Variants in SH3PXD2A observed in about 807,000 individuals in gnomAD.
The protein encoded by SH3PXD2A is SH3 and PX domain-containing protein 2A.
In SH3PXD2A, 32 loss-of-function variants were observed where a neutral mutation model predicts 115.2. That is an observed-to-expected ratio of 0.28 (90% CI 0.21 to 0.37). The LOEUF is 0.37. SH3PXD2A is among the 10% of genes least tolerant of loss of function. SH3PXD2A has a pLI of 1.00. For synonymous variants in SH3PXD2A, 610 were observed against 629.1 expected, an observed-to-expected ratio of 0.97 and a Z score of 0.45; for missense variants, 1,328 against 1,498.7, an observed-to-expected ratio of 0.89 and a Z score of 1.88.
chr10:103,827,950 G>A (rs540674617), intron 1 of SH3PXD2A, among the ~76,000 whole-genome samples: 1 of 152,344 alleles, frequency 6.6e-6, no homozygotes, highest in Non-Finnish European at 1.5e-5. Context: ...GCAGAGGACT[G>A]CTGTGAGGCT....
chr10:103,736,695 A>G (rs2038384602), intron 3 of SH3PXD2A: 1 of 1,038,864 alleles, frequency 9.6e-7, no homozygotes, highest in African/African-American at 1.6e-5. Flanking sequence ...GTCCATTCCT[A>G]GGCTATCTGC....
intron 5 of SH3PXD2A, among the ~76,000 whole-genome samples, chr10:103,707,199 A>ATT (rs35419059): frequency 2.8e-5 from 4 of 144,876 alleles, no homozygotes; most frequent in Admixed American, 6.9e-5. Flanking sequence ...ATATATTTCA[A>ATT]TTTTTTTTTT....
At chr10:103,792,659 G>A (rs1427217406) in intron 2 of SH3PXD2A, among the ~76,000 whole-genome samples, 1 of 152,180 alleles carries the variant, frequency 6.6e-6, no homozygotes, top group Non-Finnish European at 1.5e-5. Flanking sequence ...GCTGGGGCTG[G>A]TCTTGAAACC....
intron 1 of SH3PXD2A, among the ~76,000 whole-genome samples, chr10:103,839,178 T>C (rs2039573718): frequency 6.6e-6 from 1 of 152,050 alleles, no homozygotes; most frequent in Admixed American, 6.5e-5. Flanking sequence ...AAATCCCAAC[T>C]CTCTTTTTTC....
intron 1 of SH3PXD2A, among the ~76,000 whole-genome samples, chr10:103,817,418 G>A (rs2039336021): frequency 1.3e-5 from 2 of 152,142 alleles, no homozygotes; most frequent in Non-Finnish European, 2.9e-5. Context: ...TCGGCGCACT[G>A]CAACCTCTGC....
At position 103,724,313 on chromosome 10, in the gene SH3PXD2A, G is replaced by A. The variant is rs760527451; in HGVS notation, c.355C>T (p.Arg119Trp). 2.4e-5 allele frequency: 38 copies of A among 1,582,196 alleles called. No homozygotes were observed. Among genetic ancestry groups the A allele is most frequent in the South Asian group, 2.3e-4 (20 of 86,208 alleles). Residue 119 changes from arginine (R) to tryptophan (W), a missense_variant, in exon 5 of 15, where the codon CGG (arginine) becomes TGG (tryptophan). Transcript: ENST00000369774. ...TCCTCGGGTCGAGCCTCGAAGAACC[G>A]GAAGACTTCGTCACACTGTGAGATG... Reference protein sequence around the residue: ...PHISQCDEVFRFFEARPEDVN... With the variant: ...PHISQCDEVFWFFEARPEDVN...
chr10:103,833,279 G>C (rs2039499761), intron 1 of SH3PXD2A, among the ~76,000 whole-genome samples: 1 of 152,184 alleles, frequency 6.6e-6, no homozygotes, highest in Non-Finnish European at 1.5e-5. Flanking sequence ...ATAGGTATGA[G>C]GGATCCACAA....
At chr10:103,725,938 C>T (rs2038235841) in intron 4 of SH3PXD2A, among the ~76,000 whole-genome samples, 1 of 152,188 alleles carries the variant, frequency 6.6e-6, no homozygotes, top group African/African-American at 2.4e-5. Flanking sequence ...GCACGCAGGA[C>T]CCTGACCTGG....
chr10:103,846,402 T>G (rs558200300), intron 1 of SH3PXD2A, among the ~76,000 whole-genome samples: 4 of 152,248 alleles, frequency 2.6e-5, no homozygotes, highest in African/African-American at 7.2e-5. Context: ...CTAGAAGAGA[T>G]CTTCACTAAG....
At chr10:103,850,256 C>T (rs769261153) in intron 1 of SH3PXD2A, among the ~76,000 whole-genome samples, 1 of 152,138 alleles carries the variant, frequency 6.6e-6, no homozygotes, top group African/African-American at 2.4e-5. Flanking sequence ...CCTGCCACCA[C>T]ACATGGTAAT....
At chr10:103,825,762 ATTT>A (rs370142036) in intron 1 of SH3PXD2A, among the ~76,000 whole-genome samples, 3 of 132,444 alleles carry the variant, frequency 2.3e-5, no homozygotes, top group African/African-American at 2.9e-5. Flanking sequence ...TCCGTAACAA[ATTT>A]TTTTTTTTTT....
At chr10:103,786,725 C>T (rs1564888826) in intron 2 of SH3PXD2A, among the ~76,000 whole-genome samples, 1 of 151,810 alleles carries the variant, frequency 6.6e-6, no homozygotes, top group Non-Finnish European at 1.5e-5. Flanking sequence ...TGCCTACATC[C>T]CAGGGTGGGC....
At chr10:103,744,154 C>CT (rs35901070) in intron 3 of SH3PXD2A, among the ~76,000 whole-genome samples, 7,183 of 136,214 alleles carry the variant, frequency 0.053, 248 homozygotes, top group Non-Finnish European at 0.069. Context: ...CCCTGCTTGT[C>CT]TTTTTTTTTT....
In SH3PXD2A at chr10:103,784,060, A is replaced by AGGT. The variant is rs760124166; in HGVS notation, c.154-16894_154-16892dup. 7.2e-5 allele frequency among the ~76,000 whole-genome samples: 11 copies of AGGT among 152,238 alleles called. No homozygotes were observed. The highest frequency in any genetic ancestry group is 1.6e-4 in the Non-Finnish European group (11 of 68,036). ...GTGCCCAGCTGCAGGCTACTTCTCC[A>AGGT]GGTGGCAGCCCAGCTGCTGACCCAG... On this transcript the variant is annotated intron_variant, in intron 2 of 14. Coordinates refer to ENST00000369774, the MANE Select transcript of SH3PXD2A (RefSeq NM_001394015.1). This position sits in a 1 kb window ranked among gnomAD's most constrained non-coding sequence, Gnocchi z 4.4.
chr10:103,674,548 G>A (rs780933572), intron 6 of SH3PXD2A, among the ~76,000 whole-genome samples: 3 of 152,190 alleles, frequency 2.0e-5, no homozygotes, highest in South Asian at 2.1e-4. Flanking sequence ...CAGGCTGGGC[G>A]CGGTGGCTCA....
In SH3PXD2A at chr10:103,755,975, C is replaced by T. The variant is rs577973538; in HGVS notation, c.229+11119G>A. ...GAGAAAGGCGAGGCTGCCAGCCAAC[C>T]CCCACCCTCCACATTTGCCTCCTCC... On this transcript the variant is annotated intron_variant, in intron 3 of 14. Coordinates refer to ENST00000369774, the MANE Select transcript of SH3PXD2A (RefSeq NM_001394015.1). Among the ~76,000 whole-genome samples, 91 of 152,274 alleles carry T rather than the reference C, an allele frequency of 6.0e-4. 1 individual carries two copies. The highest frequency in any genetic ancestry group is 4.2e-3 in the Admixed American group (64 of 15,302).
At chr10:103,662,690 C>T (rs576648506) in intron 7 of SH3PXD2A, among the ~76,000 whole-genome samples, 19 of 152,240 alleles carry the variant, frequency 1.2e-4, no homozygotes, top group Admixed American at 1.2e-3. Flanking sequence ...TGAGCCACCG[C>T]GCCCGGCCTA....
At chr10:103,839,489 A>G (rs919465314) in intron 1 of SH3PXD2A, among the ~76,000 whole-genome samples, 5 of 152,140 alleles carry the variant, frequency 3.3e-5, no homozygotes, top group Non-Finnish European at 5.9e-5. Context: ...TGCCATCCTC[A>G]TCACCAGCCT....
intron 1 of SH3PXD2A, among the ~76,000 whole-genome samples, chr10:103,822,464 C>T (rs1272625473): frequency 1.3e-5 from 2 of 152,266 alleles, no homozygotes; most frequent in Non-Finnish European, 2.9e-5. Flanking sequence ...CATGGCCCCC[C>T]ATTCCCTAAA....
Sources: gnomAD v4.1 joint callset for allele counts (sites outside exome capture counted in the v4.1 genomes callset) on GRCh38, gnomAD v4.1.1 for gene constraint, Gnocchi (gnomAD v3.1) non-coding constraint, MANE v1.5 for transcripts, NCBI Gene and HGNC (gene_info 2026-07-23, HGNC 2026-07-21) for gene names.